The following CDK14 variants were observed in gnomAD, a reference collection of about 807,000 sequenced individuals.
CDK14 encodes the protein cyclin dependent kinase 14.
In CDK14, 34 loss-of-function variants were observed where a neutral mutation model predicts 60.7. That is an observed-to-expected ratio of 0.56 (90% CI 0.43 to 0.75). The LOEUF (loss-of-function observed/expected upper bound fraction) is 0.75, where lower values mean the gene tolerates loss of function less well. Ranked by LOEUF, CDK14 falls within the 30% of genes least tolerant of loss-of-function variation. The probability of loss-of-function intolerance (pLI) is 0.00; values close to 1 mark genes in which losing one functional copy is unlikely to be tolerated. For missense variants in CDK14, 482 were observed against 564.1 expected, an observed-to-expected ratio of 0.85 and a Z score of 1.47; for synonymous variants, 197 against 203.7, an observed-to-expected ratio of 0.97 and a Z score of 0.28.
intron 10 of CDK14, among the ~76,000 whole-genome samples, chr7:91,005,976 AC>A (rs1189692412): frequency 2.6e-5 from 4 of 152,214 alleles, no homozygotes; most frequent in African/African-American, 9.6e-5. Context: ...TCATAAAGAC[AC>A]CCAGTCTTGT....
At chr7:91,143,300 G>A (rs1406567753) in intron 14 of CDK14, among the ~76,000 whole-genome samples, 1 of 152,318 alleles carries the variant, frequency 6.6e-6, no homozygotes, top group Admixed American at 6.5e-5. Context: ...GAAAGAGAAT[G>A]TAGTAAAGAC....
intron 2 of CDK14, among the ~76,000 whole-genome samples, chr7:90,640,212 G>C (rs1253960002): frequency 6.6e-6 from 1 of 152,074 alleles, no homozygotes; most frequent in Non-Finnish European, 1.5e-5. Context: ...TCTTCTGCGT[G>C]GCTCACGCTG....
chr7:90,822,784 G>A (rs1789594342), intron 5 of CDK14, among the ~76,000 whole-genome samples: 1 of 152,200 alleles, frequency 6.6e-6, no homozygotes, highest in African/African-American at 2.4e-5. Context: ...AATATCTGGT[G>A]TTGTAATCAG....
intron 2 of CDK14, among the ~76,000 whole-genome samples, chr7:90,677,482 A>G (rs116913627): frequency 1.3e-3 from 200 of 152,272 alleles, no homozygotes; most frequent in Non-Finnish European, 2.2e-3. Context: ...TTAAGAAAAT[A>G]GAGAGATGTT....
chr7:90,687,625 T>C lies in CDK14; in HGVS notation c.124-38942T>C, dbSNP rs181080787. ...GAGATGGGGAAATGGGGAAGTGATA[T>C]GCTAGGTTTTCAGAGGGTCTTGAAA... On this transcript the variant is annotated intron_variant, in intron 2 of 14. Transcript: ENST00000380050. 1.7e-4 allele frequency among the ~76,000 whole-genome samples: 26 copies of C among 152,172 alleles called. No individual in the cohort carries two copies. The East Asian group carries it at 4.4e-3, about 26-fold the overall frequency.
At chr7:90,626,299 G>A (rs1799875268) in intron 2 of CDK14, among the ~76,000 whole-genome samples, 4 of 152,146 alleles carry the variant, frequency 2.6e-5, no homozygotes, top group East Asian at 1.9e-4. Flanking sequence ...CTCCCCCAGC[G>A]CTATTTTTAT....
intron 2 of CDK14, among the ~76,000 whole-genome samples, chr7:90,696,022 C>T (rs954052498): frequency 2.6e-5 from 4 of 152,128 alleles, no homozygotes; most frequent in Non-Finnish European, 5.9e-5. Flanking sequence ...AGAATAGCTG[C>T]AGAAAGACCA....
intron 2 of CDK14, among the ~76,000 whole-genome samples, chr7:90,697,167 C>T (rs1050375054): frequency 1.3e-5 from 2 of 152,004 alleles, no homozygotes; most frequent in African/African-American, 4.8e-5. Context: ...CAGCTGAGAG[C>T]GGTTCAGAAT....
At chr7:90,901,750 A>T (rs948823104) in intron 7 of CDK14, among the ~76,000 whole-genome samples, 1 of 151,978 alleles carries the variant, frequency 6.6e-6, no homozygotes, top group African/African-American at 2.4e-5. Flanking sequence ...TATAATACTG[A>T]GAATTTTAGC....
At chr7:90,817,963 T>C (rs192979478) in intron 5 of CDK14, among the ~76,000 whole-genome samples, 2 of 152,262 alleles carry the variant, frequency 1.3e-5, no homozygotes, top group Admixed American at 6.5e-5. Flanking sequence ...GCCCACAGAA[T>C]TGATTACCAG....
At chr7:91,137,435 C>T (rs952966693) in intron 14 of CDK14, among the ~76,000 whole-genome samples, 1 of 152,016 alleles carries the variant, frequency 6.6e-6, no homozygotes, top group Non-Finnish European at 1.5e-5. Context: ...CATTACTGTG[C>T]TTTCAATGCT....
chr7:90,813,150 A>G (rs1482678944), intron 5 of CDK14, among the ~76,000 whole-genome samples: 1 of 152,184 alleles, frequency 6.6e-6, no homozygotes, highest in Admixed American at 6.5e-5. Context: ...GGTTGTATAT[A>G]CCAAGCGTAT....
At chr7:90,666,974 C>A (rs1800993139) in intron 2 of CDK14, among the ~76,000 whole-genome samples, 1 of 152,146 alleles carries the variant, frequency 6.6e-6, no homozygotes, top group African/African-American at 2.4e-5. Context: ...CCAGATTCAA[C>A]CCTTAGCAAG....
chr7:91,015,182 A>G (rs1487357101), intron 10 of CDK14, among the ~76,000 whole-genome samples: 1 of 152,096 alleles, frequency 6.6e-6, no homozygotes, highest in African/African-American at 2.4e-5. Flanking sequence ...TTACTTGCCC[A>G]TTGTTCCTCT....
At position 91,141,973 on chromosome 7, in the gene CDK14, C is replaced by T. The variant is rs139051987; in HGVS notation, c.*28+23765C>T. Among the ~76,000 whole-genome samples the T allele has an allele frequency of 3.2e-3, 487 of 152,130 alleles. 2 individuals are homozygous for T. The highest frequency in any genetic ancestry group is 0.011 in the African/African-American group (471 of 41,518). On this transcript the variant is annotated intron_variant, in intron 14 of 14. Transcript: ENST00000380050. Reference sequence around the variant, plus strand: ...CCCAAGTAGCTGGGACTACAGGCGTCCACCGTCACGCCCGGCTAAATTTTT... The same window carrying T: ...CCCAAGTAGCTGGGACTACAGGCGTTCACCGTCACGCCCGGCTAAATTTTT...
intron 14 of CDK14, among the ~76,000 whole-genome samples, chr7:91,168,621 G>A (rs1413733749): frequency 6.6e-6 from 1 of 152,190 alleles, no homozygotes; most frequent in Non-Finnish European, 1.5e-5. Flanking sequence ...TAAAGGAGCA[G>A]ATGTTTTCTA....
At chr7:90,924,447 C>G (rs905153407) in intron 8 of CDK14, among the ~76,000 whole-genome samples, 2 of 152,282 alleles carry the variant, frequency 1.3e-5, no homozygotes, top group African/African-American at 4.8e-5. Flanking sequence ...TAGAGTTTGG[C>G]AATTGCCTAA....
chr7:91,071,826 T>C (rs1450893519), intron 11 of CDK14, among the ~76,000 whole-genome samples: 1 of 152,232 alleles, frequency 6.6e-6, no homozygotes, highest in Non-Finnish European at 1.5e-5. Flanking sequence ...CTTCCCCTGC[T>C]GAAGCCAGGG....
chr7:90,907,871 G>T lies in CDK14; in HGVS notation c.702+8518G>T, dbSNP rs1227442880. ...GATTGTATTATACAGATGGCACTGA[G>T]AATTGATTTCTAAATGAGACTTTCT... On this transcript the variant is annotated intron_variant, in intron 7 of 14. Coordinates refer to ENST00000380050, the MANE Select transcript of CDK14 (RefSeq NM_001287135.2). Among the ~76,000 whole-genome samples, 3 of 152,178 alleles carry T rather than the reference G, an allele frequency of 2.0e-5. No individual in the cohort carries two copies. The East Asian group carries it at 5.8e-4, about 29-fold the overall frequency.
Sources: allele counts gnomAD v4.1 joint callset (sites outside exome capture counted in the v4.1 genomes callset), GRCh38; gene constraint gnomAD v4.1.1; transcripts MANE v1.5; gene names NCBI Gene and HGNC (gene_info 2026-07-23, HGNC 2026-07-21).